The following EPB41L4A variants were observed in gnomAD, a reference collection of about 807,000 sequenced individuals.
The protein encoded by EPB41L4A is band 4.1-like protein 4A.
A neutral mutation model predicts 108.6 loss-of-function variants in EPB41L4A; 100 were observed. That is an observed-to-expected ratio of 0.92 (90% CI 0.78 to 1.09). The LOEUF (loss-of-function observed/expected upper bound fraction) is 1.09, where lower values mean the gene tolerates loss of function less well. Ranked by LOEUF, EPB41L4A falls within the 50% of genes least tolerant of loss-of-function variation. EPB41L4A has a pLI of 0.00. For missense variants in EPB41L4A, 1,030 were observed against 842.7 expected, an observed-to-expected ratio of 1.22 and a Z score of -2.75; for synonymous variants, 319 against 289.0, an observed-to-expected ratio of 1.10 and a Z score of -1.05.
chr5:112,289,448 A>C (rs1485652644), intron 2 of EPB41L4A, among the ~76,000 whole-genome samples: 5 of 152,152 alleles, frequency 3.3e-5, no homozygotes, highest in Non-Finnish European at 5.9e-5. Context: ...TTTGAGTGGC[A>C]GGGGGTTTGG....
At chr5:112,202,842 C>G (rs1422837215) in intron 15 of EPB41L4A, among the ~76,000 whole-genome samples, 2 of 152,076 alleles carry the variant, frequency 1.3e-5, no homozygotes, top group East Asian at 3.9e-4. Context: ...GCTTCCAAAC[C>G]TGCAGTGTGC....
Position 112,364,253 on chromosome 5 carries a change from T to G in EPB41L4A, c.99+54688A>C, listed in dbSNP as rs1758977713. On this transcript the variant is annotated intron_variant, in intron 1 of 22. Transcript: ENST00000261486. ...GTTGGCCAGGCTGGTCTCGAACTCC[T>G]GACCTCAGGTGATCCATCTGCCTTG... 2.6e-5 allele frequency among the ~76,000 whole-genome samples: 4 copies of G among 152,240 alleles called. No individual in the cohort carries two copies. The South Asian group carries it at 8.3e-4, about 32-fold the overall frequency.
At chr5:112,280,240 A>G in intron 3 of EPB41L4A, 32 bp downstream of exon 3, 1 of 1,600,044 alleles carries the variant, frequency 6.2e-7, no homozygotes, top group Non-Finnish European at 8.6e-7. Flanking sequence ...TTTTCAAGCC[A>G]CCCTTTAACA....
At chr5:112,339,184 G>A (rs1383787659) in intron 1 of EPB41L4A, among the ~76,000 whole-genome samples, 2 of 152,022 alleles carry the variant, frequency 1.3e-5, no homozygotes, top group Admixed American at 6.6e-5. Flanking sequence ...TTGGCCAAAG[G>A]ATGAGATTCT....
rs1759987009 is a variant in EPB41L4A at position 112,162,762 on chromosome 5, G to A, written c.*2228C>T. 1 of 152,210 alleles carries A rather than the reference G, an allele frequency of 6.6e-6. No individual in the cohort carries two copies. Among genetic ancestry groups the A allele is most frequent in the African/African-American group, 2.4e-5 (1 of 41,452 alleles). The allele number at this position is 152,210 out of a possible 1,614,324, so 9.4% of individuals were successfully genotyped here. A position where few individuals can be genotyped will look rare whatever the true frequency, so the allele number is the denominator to read the frequency against. On this transcript the variant is annotated 3_prime_UTR_variant, in exon 23 of 23. Coordinates refer to ENST00000261486, the MANE Select transcript of EPB41L4A (RefSeq NM_022140.5). ...AATGTAAAACTTCACTATGAGATGA[G>A]TTCCGTGATAGGATTTTCTTAGGGA...
chr5:112,242,185 G>C (rs1055773324), intron 9 of EPB41L4A, among the ~76,000 whole-genome samples: 8 of 152,198 alleles, frequency 5.3e-5, no homozygotes, highest in African/African-American at 1.9e-4. Context: ...TGCAGCACGT[G>C]ATATTGTTTG....
intron 9 of EPB41L4A, among the ~76,000 whole-genome samples, chr5:112,241,236 G>A (rs1037320175): frequency 2.6e-5 from 4 of 152,136 alleles, no homozygotes. Flanking sequence ...ATAAAGCAAT[G>A]AGTAAAGAAT....
intron 1 of EPB41L4A, among the ~76,000 whole-genome samples, chr5:112,370,992 G>C (rs1759460543): frequency 6.6e-6 from 1 of 152,180 alleles, no homozygotes; most frequent in African/African-American, 2.4e-5. Flanking sequence ...TTTAGAACAT[G>C]GAAATAACCT....
At chr5:112,234,094 T>G (rs1039625765) in intron 12 of EPB41L4A, among the ~76,000 whole-genome samples, 12 of 151,552 alleles carry the variant, frequency 7.9e-5, no homozygotes, top group African/African-American at 2.9e-4. Context: ...TGAAGAGAGA[T>G]GATCACTTGA....
intron 1 of EPB41L4A, among the ~76,000 whole-genome samples, chr5:112,314,970 G>C (rs976257251): frequency 6.6e-6 from 1 of 152,054 alleles, no homozygotes; most frequent in East Asian, 1.9e-4. Flanking sequence ...TTTTGTCTTC[G>C]ATAATAATGG....
intron 1 of EPB41L4A, among the ~76,000 whole-genome samples, chr5:112,359,730 C>T (rs984134161): frequency 3.3e-5 from 5 of 152,030 alleles, no homozygotes; most frequent in African/African-American, 4.8e-5. Flanking sequence ...TTAGTAGAGA[C>T]GGGGTTTCAC....
In EPB41L4A at chr5:112,396,209, T is replaced by C. The variant is rs142159255; in HGVS notation, c.99+22732A>G. On this transcript the variant is annotated intron_variant, in intron 1 of 22. Coordinates refer to ENST00000261486, the MANE Select transcript of EPB41L4A (RefSeq NM_022140.5). Reference sequence around the variant, plus strand: ...CACATGTATACATATGTAACAAACCTGCACGTTGTGCACATGTACCCAAGA... The same window carrying C: ...CACATGTATACATATGTAACAAACCCGCACGTTGTGCACATGTACCCAAGA... Among the ~76,000 whole-genome samples the C allele has an allele frequency of 5.1e-3, 781 of 152,104 alleles. 5 individuals carry two copies. Among genetic ancestry groups the C allele is most frequent in the African/African-American group, 0.017 (721 of 41,478 alleles).
intron 12 of EPB41L4A, among the ~76,000 whole-genome samples, chr5:112,218,578 A>G (rs1747816508): frequency 6.6e-6 from 1 of 152,128 alleles, no homozygotes; most frequent in Admixed American, 6.6e-5. Context: ...TCCATACCTA[A>G]CCTAAAGCTG....
intron 1 of EPB41L4A, among the ~76,000 whole-genome samples, chr5:112,354,303 G>C (rs1758237835): frequency 6.6e-6 from 1 of 152,162 alleles, no homozygotes; most frequent in Non-Finnish European, 1.5e-5. Flanking sequence ...CTCGCCAAAG[G>C]CCTAAATCTA....
chr5:112,392,608 T>G lies in EPB41L4A; in HGVS notation c.99+26333A>C, dbSNP rs190267719. ...CATAAAGCAAGTCCTTAGAGACCTA[T>G]AAAGAGACTTAGACTCTCACACAAT... On this transcript the variant is annotated intron_variant, in intron 1 of 22. Coordinates refer to ENST00000261486, the MANE Select transcript of EPB41L4A (RefSeq NM_022140.5). 7 of 152,144 alleles carry G rather than the reference T, an allele frequency of 4.6e-5. No individual in the cohort carries two copies. The East Asian group carries it at 1.4e-3, about 29-fold the overall frequency. 9.4% of individuals were successfully genotyped at this position (152,144 alleles called of 1,614,324 possible). A position where few individuals can be genotyped will look rare whatever the true frequency, so the allele number is the denominator to read the frequency against.
chr5:112,389,296 G>A (rs959530123), intron 1 of EPB41L4A, among the ~76,000 whole-genome samples: 5 of 152,064 alleles, frequency 3.3e-5, no homozygotes, highest in African/African-American at 1.2e-4. Context: ...ATTTAATATT[G>A]TTAAATAAAA....
In EPB41L4A at chr5:112,255,230, T is replaced by C. The variant is rs1750992681; in HGVS notation, c.795+3999A>G. The stretch of plus-strand genomic sequence containing the variant: ...CTGTTTATTTCCCTTGTGCCAAAAC[T>C]CCTCCAAAGAGTTGTCCACACTCAC... On this transcript the variant is annotated intron_variant, in intron 9 of 22. Transcript: ENST00000261486. Among the ~76,000 whole-genome samples the C allele has an allele frequency of 2.9e-5, 4 of 136,386 alleles. No homozygotes were observed. The South Asian group carries it at 8.7e-4, about 30-fold the overall frequency. 89.5% of individuals were successfully genotyped at this position (136,386 alleles called of 152,430 possible).
chr5:112,229,208 GTGTT>G lies in EPB41L4A; in HGVS notation c.1087+5422_1087+5425del, dbSNP rs949143938. The stretch of plus-strand genomic sequence containing the variant: ...TTAAAAAATTATATACAAATGTTTT[GTGTT>G]TTTTTTGAAACACATCACATTTATT... On this transcript the variant is annotated intron_variant, in intron 12 of 22. Coordinates refer to ENST00000261486, the MANE Select transcript of EPB41L4A (RefSeq NM_022140.5). Among the ~76,000 whole-genome samples the G allele has an allele frequency of 3.3e-5, 5 of 152,108 alleles. 1 individual carries two copies. The highest frequency in any genetic ancestry group is 1.9e-4 in the East Asian group (1 of 5,166).
chr5:112,326,118 C>A (rs368678751), intron 1 of EPB41L4A, among the ~76,000 whole-genome samples: 1 of 152,088 alleles, frequency 6.6e-6, no homozygotes, highest in Admixed American at 6.5e-5. Context: ...CCACTGTACT[C>A]CAGCCTGGGA....
Sources: gnomAD v4.1 joint callset for allele counts (sites outside exome capture counted in the v4.1 genomes callset) on GRCh38, gnomAD v4.1.1 for gene constraint, MANE v1.5 for transcripts, NCBI Gene and HGNC (gene_info 2026-07-23, HGNC 2026-07-21) for gene names.